Variants in PDHX observed in about 807,000 individuals in gnomAD.
The protein encoded by PDHX is pyruvate dehydrogenase complex component X, also known as pyruvate dehydrogenase protein X component, mitochondrial.
In PDHX, 33 loss-of-function variants were observed where a neutral mutation model predicts 55.3. That is an observed-to-expected ratio of 0.60 (90% CI 0.45 to 0.80). The LOEUF (loss-of-function observed/expected upper bound fraction) is 0.80, where lower values mean the gene tolerates loss of function less well. PDHX is among the 30% of genes least tolerant of loss of function. PDHX has a pLI of 0.00. For missense variants in PDHX, 622 were observed against 619.9 expected (o/e 1.00, Z -0.04); for synonymous variants, 226 against 219.4 (o/e 1.03, Z -0.27).
intron 8 of PDHX, 52 bp from the exon 9 acceptor site, chr11:34,984,518 G>A (rs1855597905): frequency 6.7e-7 from 1 of 1,482,048 alleles, no homozygotes; most frequent in Non-Finnish European, 9.4e-7. Context: ...TTCTGTAACC[G>A]CCTTGGTCTA....
chr11:34,933,884 A>G (rs1171149616), intron 2 of PDHX, among the ~76,000 whole-genome samples: 1 of 152,130 alleles, frequency 6.6e-6, no homozygotes. Flanking sequence ...ATTTCAATAC[A>G]TTAAATATAT....
intron 4 of PDHX, among the ~76,000 whole-genome samples, chr11:34,959,397 G>T (rs1263217663): frequency 9.6e-6 from 1 of 103,922 alleles, no homozygotes; most frequent in Non-Finnish European, 2.4e-5. Flanking sequence ...AGGATGGCTA[G>T]TATCAAAACA....
intron 2 of PDHX, among the ~76,000 whole-genome samples, chr11:34,945,049 T>A (rs1000469315): frequency 1.2e-4 from 18 of 152,182 alleles, no homozygotes; most frequent in Admixed American, 3.3e-4. Flanking sequence ...TATTTCTGTT[T>A]TTAAATTTTA....
At chr11:34,916,515 T>A (rs775289563), upstream of PDHX, 1 of 1,408,176 alleles carries the variant, frequency 7.1e-7, no homozygotes, top group African/African-American at 1.7e-5. Context: ...GAGGCGGGGC[T>A]GGGTTGGGGG....
At chr11:34,946,872 CCT>C (rs779007683) in intron 2 of PDHX, among the ~76,000 whole-genome samples, 16 of 152,288 alleles carry the variant, frequency 1.1e-4, no homozygotes, top group African/African-American at 1.4e-4. Flanking sequence ...CCTCTTTTCC[CCT>C]GTTTGCTCCA....
At chr11:34,983,647 C>T (rs1238493443) in intron 8 of PDHX, among the ~76,000 whole-genome samples, 2 of 151,334 alleles carry the variant, frequency 1.3e-5, no homozygotes, top group Admixed American at 1.3e-4. Context: ...AACAGAGAGC[C>T]AAATCATGAG....
chr11:34,924,215 T>C (rs1853963662), intron 1 of PDHX, among the ~76,000 whole-genome samples: 1 of 152,182 alleles, frequency 6.6e-6, no homozygotes, highest in African/African-American at 2.4e-5. Context: ...GACTTATTCT[T>C]TGCCAAGTCC....
chr11:34,943,796 C>T (rs113455195), intron 2 of PDHX, among the ~76,000 whole-genome samples: 6 of 152,116 alleles, frequency 3.9e-5, no homozygotes, highest in Non-Finnish European at 7.4e-5. Flanking sequence ...CAGATTGTCT[C>T]CTCCTCACCT....
chr11:34,980,450 T>A (rs1855486247), intron 8 of PDHX, among the ~76,000 whole-genome samples: 1 of 146,824 alleles, frequency 6.8e-6, no homozygotes, highest in Non-Finnish European at 1.5e-5. Context: ...TGCCCTAAGA[T>A]AATAGATTTT....
chr11:34,934,433 G>T (rs183144559), intron 2 of PDHX, among the ~76,000 whole-genome samples: 2 of 152,252 alleles, frequency 1.3e-5, no homozygotes, highest in African/African-American at 4.8e-5. Context: ...GAGCCCGGGG[G>T]AGGAAGGTGG....
At chr11:34,990,966 C>T (rs372386356) in intron 9 of PDHX, among the ~76,000 whole-genome samples, 2 of 152,126 alleles carry the variant, frequency 1.3e-5, no homozygotes, top group South Asian at 2.1e-4. Context: ...ACCCAAATGA[C>T]AGTGACCTCA....
At chr11:34,985,905 ATATAAT>A (rs1433909535) in intron 9 of PDHX, among the ~76,000 whole-genome samples, 3 of 152,226 alleles carry the variant, frequency 2.0e-5, no homozygotes, top group Non-Finnish European at 4.4e-5. Flanking sequence ...TTAGAGGTAG[ATATAAT>A]TAAAGGTGAA....
At chr11:34,936,839 T>C (rs916978491) in intron 2 of PDHX, among the ~76,000 whole-genome samples, 1 of 135,248 alleles carries the variant, frequency 7.4e-6, no homozygotes, top group South Asian at 2.5e-4. Context: ...ACCCAGGCTG[T>C]AGTGCAGTGG....
intron 10 of PDHX, among the ~76,000 whole-genome samples, chr11:34,994,234 G>A (rs1277205207): frequency 1.3e-5 from 2 of 152,150 alleles, no homozygotes; most frequent in East Asian, 3.8e-4. Flanking sequence ...CTCCTAGACT[G>A]CAAACCTATA....
At chr11:34,935,120 T>C (rs1217908016) in intron 2 of PDHX, among the ~76,000 whole-genome samples, 1 of 151,992 alleles carries the variant, frequency 6.6e-6, no homozygotes, top group Non-Finnish European at 1.5e-5. Flanking sequence ...TATATGTGGC[T>C]TCATTGCCTT....
At chr11:34,927,798 A>G (rs940419537) in intron 1 of PDHX, among the ~76,000 whole-genome samples, 1 of 152,150 alleles carries the variant, frequency 6.6e-6, no homozygotes, top group Non-Finnish European at 1.5e-5. Context: ...AGTGTAATCT[A>G]TCAAGAGATA....
Position 34,957,425 on chromosome 11 carries a change from T to C in PDHX, c.384T>C (p.Ile128=). ...AAAATATACGGCTAGGTTCACTAAT[T>C]GGTTTGATAGTAGAAGAAGGAGAAG... The part of the protein sequence containing the change: ...GSKNIRLGSL[I]GLIVEEGEDW... Residue 128 remains isoleucine (I), a synonymous_variant, in exon 4 of 11, where the codon ATT becomes ATC. Transcript: ENST00000227868. 6.2e-7 allele frequency: 1 copy of C among 1,613,082 alleles called. No homozygotes were observed. The highest frequency in any genetic ancestry group is 8.5e-7 in the Non-Finnish European group (1 of 1,179,100).
chr11:34,922,143 G>T (rs1013187312), intron 1 of PDHX, among the ~76,000 whole-genome samples: 1 of 152,178 alleles, frequency 6.6e-6, no homozygotes, highest in African/African-American at 2.4e-5. Flanking sequence ...GACCAGAATT[G>T]GGTCGTATGC....
intron 10 of PDHX, 94 bp downstream of exon 10, chr11:34,992,473 T>C (rs1855775532): frequency 1.4e-6 from 1 of 707,312 alleles, no homozygotes; most frequent in Admixed American, 2.4e-5. Flanking sequence ...TGAAATATTT[T>C]TTAAAATTTA....
Sources: allele counts gnomAD v4.1 joint callset (sites outside exome capture counted in the v4.1 genomes callset), GRCh38; gene constraint gnomAD v4.1.1; transcripts MANE v1.5; gene names NCBI Gene and HGNC (gene_info 2026-07-23, HGNC 2026-07-21).